DLG2: variants seen among roughly 807,000 people sequenced by gnomAD.
DLG2 encodes disks large homolog 2.
DLG2 carries 45 observed loss-of-function variants against 132.5 expected under a neutral mutation model. That is an observed-to-expected ratio of 0.34 (90% CI 0.27 to 0.44). DLG2 has a LOEUF of 0.44. DLG2 is among the 20% of genes least tolerant of loss of function. The pLI is 1.00. For missense variants in DLG2, 1,045 were observed against 1,196.9 expected, an observed-to-expected ratio of 0.87 and a Z score of 1.87; for synonymous variants, 424 against 419.6, an observed-to-expected ratio of 1.01 and a Z score of -0.13.
intron 6 of DLG2, among the ~76,000 whole-genome samples, chr11:84,958,572 C>A (rs1250047146): frequency 2.0e-5 from 3 of 152,150 alleles, no homozygotes; most frequent in Non-Finnish European, 4.4e-5. Flanking sequence ...TATTTCCAGT[C>A]CCCAAAGTTA....
chr11:83,925,287 CT>C (rs752439936), intron 15 of DLG2, among the ~76,000 whole-genome samples: 1 of 152,108 alleles, frequency 6.6e-6, no homozygotes, highest in Non-Finnish European at 1.5e-5. Flanking sequence ...TGTGTACAGG[CT>C]ATAAAAGGTT....
intron 8 of DLG2, among the ~76,000 whole-genome samples, chr11:84,206,866 C>G (rs2096673522): frequency 6.6e-6 from 1 of 151,850 alleles, no homozygotes; most frequent in South Asian, 2.1e-4. Flanking sequence ...TCCCCCAAAT[C>G]TAAAACAAAC....
chr11:84,177,821 G>A (rs1338585574), intron 8 of DLG2, among the ~76,000 whole-genome samples: 1 of 152,072 alleles, frequency 6.6e-6, no homozygotes, highest in African/African-American at 2.4e-5. Flanking sequence ...TGGAACAGTA[G>A]TCTGGCACAT....
intron 16 of DLG2, among the ~76,000 whole-genome samples, chr11:83,848,149 G>A (rs1456538713): frequency 9.3e-5 from 13 of 140,352 alleles, no homozygotes; most frequent in Non-Finnish European, 1.7e-4. Context: ...TTTTAATCAC[G>A]GCATCTTGTA....
intron 7 of DLG2, among the ~76,000 whole-genome samples, chr11:84,337,305 A>G (rs1444552416): frequency 6.6e-6 from 1 of 152,208 alleles, no homozygotes; most frequent in African/African-American, 2.4e-5. Context: ...AGCAGAGCCT[A>G]TGTACTTAGC....
intron 4 of DLG2, among the ~76,000 whole-genome samples, chr11:85,211,943 A>G (rs2082281595): frequency 2.0e-5 from 3 of 152,108 alleles, no homozygotes; most frequent in Admixed American, 2.0e-4. Context: ...TATTTCTTGA[A>G]TGGCTGTATA....
intron 5 of DLG2, among the ~76,000 whole-genome samples, chr11:85,149,557 T>G (rs1456792161): frequency 6.6e-6 from 1 of 152,142 alleles, no homozygotes; most frequent in East Asian, 1.9e-4. Flanking sequence ...AGGTAGTAAA[T>G]AGCATAAACT....
chr11:84,002,923 T>C (rs1459694897), intron 11 of DLG2, among the ~76,000 whole-genome samples: 1 of 152,206 alleles, frequency 6.6e-6, no homozygotes, highest in Non-Finnish European at 1.5e-5. Context: ...GTTTCCCTTA[T>C]AAACTTAAGT....
At chr11:84,693,131 G>C (rs1300808442) in intron 6 of DLG2, among the ~76,000 whole-genome samples, 2 of 151,658 alleles carry the variant, frequency 1.3e-5, no homozygotes, top group African/African-American at 4.8e-5. Flanking sequence ...AGAATGTCTC[G>C]TAAGTATTCA....
intron 7 of DLG2, among the ~76,000 whole-genome samples, chr11:84,313,349 T>C (rs946053748): frequency 1.3e-5 from 2 of 151,490 alleles, no homozygotes; most frequent in Non-Finnish European, 2.9e-5. Flanking sequence ...TTCTGGCCTC[T>C]AGTGATCCAC....
chr11:84,202,005 G>T (rs1402889882), intron 8 of DLG2, among the ~76,000 whole-genome samples: 1 of 151,470 alleles, frequency 6.6e-6, no homozygotes, highest in Non-Finnish European at 1.5e-5. Flanking sequence ...TTTTAGTAGA[G>T]ACTAGGTTTC....
rs569995768 is a variant in DLG2, at chr11:85,399,550, C to A, written c.41-114185G>T. ...AAACTATACTACAAGGCTACAGTAA[C>A]CAAAACAGCATGGTACTGGTACTAA... On this transcript the variant is annotated intron_variant, in intron 3 of 27. Transcript: ENST00000376104. 2.6e-5 allele frequency among the ~76,000 whole-genome samples: 4 copies of A among 152,202 alleles called. No homozygotes were observed. The East Asian group carries it at 5.8e-4, about 22-fold the overall frequency.
chr11:83,965,053 T>C (rs1025216785), intron 13 of DLG2, among the ~76,000 whole-genome samples: 3 of 151,980 alleles, frequency 2.0e-5, no homozygotes, highest in East Asian at 1.9e-4. Flanking sequence ...CCTTTCAAAA[T>C]GTATTGCCCA....
intron 6 of DLG2, among the ~76,000 whole-genome samples, chr11:84,734,246 G>A (rs566719096): frequency 6.6e-6 from 1 of 152,236 alleles, no homozygotes; most frequent in African/African-American, 2.4e-5. Flanking sequence ...CCGTTTTCAT[G>A]ATATTGATTC....
rs537491139 is a variant in DLG2, at chr11:84,382,082, CTAACA to C, written c.520-130796_520-130792del. ...GACAGAAAGACAATAAATATCCACC[CTAACA>C]TGTTTGGCTAGAAGCAGTCCTGACA... On this transcript the variant is annotated intron_variant, in intron 7 of 27. Coordinates refer to ENST00000376104, the MANE Select transcript of DLG2 (RefSeq NM_001142699.3). Among the ~76,000 whole-genome samples the C allele has an allele frequency of 2.8e-4, 43 of 152,272 alleles. No individual in the cohort carries two copies. In the East Asian group the frequency reaches 7.0e-3, roughly 25 times the overall value.
At chr11:85,013,938 T>C (rs1356575154) in intron 6 of DLG2, among the ~76,000 whole-genome samples, 1 of 152,198 alleles carries the variant, frequency 6.6e-6, no homozygotes, top group Non-Finnish European at 1.5e-5. Flanking sequence ...AAAGACTTTT[T>C]TTGGTAAGAA....
At chr11:83,747,338 T>G (rs1172566529) in intron 18 of DLG2, among the ~76,000 whole-genome samples, 1 of 149,938 alleles carries the variant, frequency 6.7e-6, no homozygotes, top group African/African-American at 2.5e-5. Context: ...CTGCCTTCCT[T>G]CCTGCCTTCC....
At chr11:84,050,323 T>G (rs912396964) in intron 11 of DLG2, among the ~76,000 whole-genome samples, 2 of 151,948 alleles carry the variant, frequency 1.3e-5, no homozygotes, top group Non-Finnish European at 2.9e-5. Flanking sequence ...ATGTCTTCTT[T>G]TGAGAAGTGT....
At chr11:83,743,318 A>G (rs2092666479) in intron 18 of DLG2, among the ~76,000 whole-genome samples, 1 of 152,046 alleles carries the variant, frequency 6.6e-6, no homozygotes, top group Non-Finnish European at 1.5e-5. Flanking sequence ...TTTACTGCAG[A>G]AATATCTCTT....
Sources: gnomAD v4.1 joint callset for allele counts (sites outside exome capture counted in the v4.1 genomes callset) on GRCh38, gnomAD v4.1.1 for gene constraint, MANE v1.5 for transcripts, NCBI Gene and HGNC (gene_info 2026-07-23, HGNC 2026-07-21) for gene names.